CAST: variants seen among roughly 807,000 people sequenced by gnomAD.
CAST encodes the protein calpastatin, also known as MIR583 host.
Under a neutral mutation model 119.6 loss-of-function variants are expected in CAST, and 76 were observed. The observed-to-expected ratio is 0.64, with a 90% CI of 0.53 to 0.77. The LOEUF (loss-of-function observed/expected upper bound fraction) is 0.77. CAST is among the 30% of genes least tolerant of loss of function. The pLI, the probability that CAST is intolerant of heterozygous loss-of-function variation, is 0.00. For missense variants in CAST, 953 were observed against 946.5 expected (o/e 1.01, Z -0.09); for synonymous variants, 319 against 331.6 (o/e 0.96, Z 0.41).
the CAST span, among the ~76,000 whole-genome samples, chr5:96,487,193 C>T: frequency 6.6e-6 from 1 of 152,106 alleles, no homozygotes; most frequent in East Asian, 1.9e-4. Flanking sequence ...TGGACCTCCC[C>T]ACCCACCACC....
At chr5:96,556,054 A>T (rs1746231671) in intron 1 of CAST, among the ~76,000 whole-genome samples, 2 of 152,208 alleles carry the variant, frequency 1.3e-5, no homozygotes, top group South Asian at 4.1e-4. Flanking sequence ...CTGTTCACCA[A>T]TATCCGCTGT....
At chr5:96,361,155 C>G in the CAST span, among the ~76,000 whole-genome samples, 1 of 152,174 alleles carries the variant, frequency 6.6e-6, no homozygotes, top group Non-Finnish European at 1.5e-5. Context: ...CTACTCAAGC[C>G]TCAGTAATGG....
the CAST span, among the ~76,000 whole-genome samples, chr5:96,059,055 C>A: frequency 6.6e-6 from 1 of 152,158 alleles, no homozygotes; most frequent in Non-Finnish European, 1.5e-5. Context: ...ACCTCCTGAG[C>A]TTACAGAAGT....
the CAST span, among the ~76,000 whole-genome samples, chr5:96,241,753 A>T: frequency 2.0e-5 from 3 of 149,674 alleles, no homozygotes; most frequent in South Asian, 6.4e-4. Flanking sequence ...AATGATTGCC[A>T]TTCTAACTGG....
chr5:96,630,384 G>T (rs950577010), intron 1 of CAST, among the ~76,000 whole-genome samples: 2 of 152,172 alleles, frequency 1.3e-5, no homozygotes, highest in African/African-American at 4.8e-5. Context: ...GAGGCAGAGA[G>T]GCTACATCAA....
chr5:96,365,739 C>T, the CAST span, among the ~76,000 whole-genome samples: 5 of 152,256 alleles, frequency 3.3e-5, no homozygotes, highest in Admixed American at 6.5e-5. Context: ...AGATGGGTCT[C>T]CTGAATATAG....
intron 29 of CAST, 48 bp downstream of exon 29, chr5:96,768,047 T>C (rs1452608341): frequency 8.6e-7 from 1 of 1,160,924 alleles, no homozygotes; most frequent in East Asian, 2.3e-5. Context: ...TGTGTGTGTA[T>C]GTGTACATAC....
upstream of CAST, among the ~76,000 whole-genome samples, chr5:96,521,911 C>T (rs1745524412): frequency 1.3e-5 from 2 of 152,050 alleles, no homozygotes; most frequent in South Asian, 2.1e-4. Context: ...GAGGTCAGAT[C>T]GAGACCATCC....
At chr5:96,393,912 A>G in the CAST span, among the ~76,000 whole-genome samples, 3 of 152,182 alleles carry the variant, frequency 2.0e-5, no homozygotes, top group East Asian at 5.8e-4. Flanking sequence ...GAGAGCTCAG[A>G]GAAGCCAACC....
At chr5:96,662,343 C>A, upstream of CAST, 1 of 767,326 alleles carries the variant, frequency 1.3e-6, no homozygotes. Flanking sequence ...CTCCCTCTCT[C>A]CCTGGCAGGA....
chr5:96,314,792 C>T, the CAST span, among the ~76,000 whole-genome samples: 3 of 152,156 alleles, frequency 2.0e-5, no homozygotes, highest in Admixed American at 1.3e-4. Flanking sequence ...AGACGCTGAA[C>T]TCCTCCCAGT....
chr5:96,722,052 T>C lies in CAST; in HGVS notation c.211-587T>C, dbSNP rs543351839. On this transcript the variant is annotated intron_variant, in intron 3 of 31. Transcript: ENST00000675179. ...ACGGGAGTTTTGTCCTTCTATCTTA[T>C]GTATTAGGAATAACACACTGGCAAT... 3.9e-5 allele frequency among the ~76,000 whole-genome samples: 6 copies of C among 152,366 alleles called. No homozygotes were observed. The East Asian group carries it at 1.2e-3, about 29-fold the overall frequency.
At chr5:96,542,846 T>C (rs1184066722) in intron 1 of CAST, among the ~76,000 whole-genome samples, 5 of 152,230 alleles carry the variant, frequency 3.3e-5, no homozygotes, top group Admixed American at 6.5e-5. Context: ...AGATGCCATC[T>C]CACACTAGTT....
chr5:96,469,879 A>AT, the CAST span, among the ~76,000 whole-genome samples: 34 of 107,412 alleles, frequency 3.2e-4, no homozygotes, highest in African/African-American at 7.2e-4. Flanking sequence ...ATATATATAT[A>AT]ATATATATAT....
At chr5:96,134,139 G>A in the CAST span, among the ~76,000 whole-genome samples, 8 of 152,162 alleles carry the variant, frequency 5.3e-5, no homozygotes, top group Admixed American at 2.0e-4. Context: ...TGAAAAGGCC[G>A]CTACAGTGCT....
chr5:96,269,641 A>C, the CAST span, among the ~76,000 whole-genome samples: 1 of 152,206 alleles, frequency 6.6e-6, no homozygotes, highest in Non-Finnish European at 1.5e-5. Context: ...TATATATGCC[A>C]ACAAATTGGA....
At chr5:96,660,846 A>G (rs1748330135), upstream of CAST, among the ~76,000 whole-genome samples, 1 of 151,986 alleles carries the variant, frequency 6.6e-6, no homozygotes, top group African/African-American at 2.4e-5. Flanking sequence ...TCCTGAGTGG[A>G]CATAGTCCCA....
chr5:96,628,465 G>T (rs1359805547), intron 1 of CAST, among the ~76,000 whole-genome samples: 3 of 152,172 alleles, frequency 2.0e-5, no homozygotes, highest in African/African-American at 7.2e-5. Context: ...AATAACACAT[G>T]CAACATTAAA....
chr5:96,161,057 GT>G, the CAST span, among the ~76,000 whole-genome samples: 79 of 152,118 alleles, frequency 5.2e-4, no homozygotes, highest in Middle Eastern at 3.4e-3. Flanking sequence ...CTTTCTGTAT[GT>G]TGTTTTTTCA....
Sources: gnomAD v4.1 joint callset for allele counts (sites outside exome capture counted in the v4.1 genomes callset) on GRCh38, gnomAD v4.1.1 for gene constraint, MANE v1.5 for transcripts, NCBI Gene and HGNC (gene_info 2026-07-23, HGNC 2026-07-21) for gene names.